Variants in TLN2 observed in about 807,000 individuals in gnomAD.
TLN2 encodes the protein talin 2, also known as talin-2.
In TLN2, 118 loss-of-function variants were observed where a neutral mutation model predicts 294.7. The observed-to-expected ratio is 0.40, with a 90% CI of 0.34 to 0.47. The LOEUF (loss-of-function observed/expected upper bound fraction) is 0.47, where lower values mean the gene tolerates loss of function less well. Among genes scored for constraint, TLN2 ranks in the 20% least tolerant of loss-of-function variants. The pLI, the probability that TLN2 is intolerant of heterozygous loss-of-function variation, is 0.84. For synonymous variants in TLN2, 1,431 were observed against 1,304.5 expected, an observed-to-expected ratio of 1.10 and a Z score of -2.09; for missense variants, 3,083 against 3,282.2, an observed-to-expected ratio of 0.94 and a Z score of 1.48.
chr15:62,544,009 T>C (rs1413397394), intron 1 of TLN2, among the ~76,000 whole-genome samples: 1 of 152,092 alleles, frequency 6.6e-6, no homozygotes, highest in Non-Finnish European at 1.5e-5. Context: ...CTTTCTGGCC[T>C]TGACAGACTC....
chr15:62,436,709 C>G (rs2035302388), intron 1 of TLN2, among the ~76,000 whole-genome samples: 1 of 152,080 alleles, frequency 6.6e-6, no homozygotes, highest in Admixed American at 6.6e-5. Context: ...CTCCATGATT[C>G]TTTGATTTCT....
intron 1 of TLN2, among the ~76,000 whole-genome samples, chr15:62,468,941 A>G (rs2140357589): frequency 6.6e-6 from 1 of 152,314 alleles, no homozygotes; most frequent in African/African-American, 2.4e-5. Flanking sequence ...ACCTACGAAT[A>G]CAGCAATTGC....
chr15:62,440,587 G>A (rs572891605), intron 1 of TLN2, among the ~76,000 whole-genome samples: 37 of 152,300 alleles, frequency 2.4e-4, no homozygotes, highest in Middle Eastern at 3.4e-3. Flanking sequence ...GTCCTCCTCT[G>A]CTTTGGTGAA....
At chr15:62,399,652 T>C (rs528989570) in intron 1 of TLN2, among the ~76,000 whole-genome samples, 1 of 152,340 alleles carries the variant, frequency 6.6e-6, no homozygotes, top group East Asian at 1.9e-4. Context: ...AAGGAGAGCA[T>C]TTTGGAACTT....
chr15:62,686,481 A>G (rs867898014), intron 11 of TLN2, among the ~76,000 whole-genome samples, 160 bp from the exon 12 acceptor site: 11 of 152,308 alleles, frequency 7.2e-5, no homozygotes, highest in Middle Eastern at 3.4e-3. Context: ...CCTTTAGTTT[A>G]ATGAGTTATT....
intron 1 of TLN2, among the ~76,000 whole-genome samples, chr15:62,509,783 G>C (rs910509810): frequency 6.6e-6 from 1 of 152,118 alleles, no homozygotes; most frequent in Non-Finnish European, 1.5e-5. Context: ...GGGCTTGCCT[G>C]AGCCACCTCC....
intron 2 of TLN2, among the ~76,000 whole-genome samples, chr15:62,594,479 AT>A (rs1460349608): frequency 6.6e-6 from 1 of 152,188 alleles, no homozygotes; most frequent in Non-Finnish European, 1.5e-5. Context: ...AAGTGCTGGG[AT>A]TACAGACGTA....
rs1160101252 is a variant in TLN2, at chr15:62,761,692, G to A, written c.4650G>A (p.Gly1550=). ...NLVKTIKALD[G]DFSEDNRNKC... ...TTTTCTCCCATCAGGCCCTGGATGG[G>A]GATTTCTCTGAAGACAACCGCAATA... The change falls in exon 38 of 59, where the codon GGG becomes GGA. Residue 1550 remains glycine (G), a synonymous_variant. Transcript: ENST00000636159. The A allele has an allele frequency of 6.2e-7, 1 of 1,613,978 alleles. No homozygotes were observed. Among genetic ancestry groups the A allele is most frequent in the Non-Finnish European group, 8.5e-7 (1 of 1,180,004 alleles).
chr15:62,625,510 T>C (rs1250317692), intron 3 of TLN2, among the ~76,000 whole-genome samples: 2 of 151,176 alleles, frequency 1.3e-5, no homozygotes, highest in East Asian at 1.9e-4. Flanking sequence ...TGCTACGAGA[T>C]GGTCTTGGAG....
At chr15:62,605,832 G>A (rs368748102) in intron 2 of TLN2, among the ~76,000 whole-genome samples, 6 of 152,302 alleles carry the variant, frequency 3.9e-5, no homozygotes, top group African/African-American at 1.4e-4. Flanking sequence ...GCCTCCCCAA[G>A]CTGCAAGCGA....
At chr15:62,839,122 G>C (rs1428482246) in intron 58 of TLN2, 141 bp downstream of exon 58, 1 of 1,234,886 alleles carries the variant, frequency 8.1e-7, no homozygotes, top group Non-Finnish European at 1.1e-6. Context: ...CTTCATGTCT[G>C]AGAGCCAGAT....
intron 1 of TLN2, among the ~76,000 whole-genome samples, chr15:62,486,934 A>G (rs1039093566): frequency 1.3e-5 from 2 of 152,092 alleles, no homozygotes; most frequent in African/African-American, 4.8e-5. Flanking sequence ...TGAGGAATAA[A>G]TTGCCTGAGA....
intron 54 of TLN2, among the ~76,000 whole-genome samples, chr15:62,825,715 TAA>T (rs2067992907): frequency 8.2e-6 from 1 of 122,126 alleles, no homozygotes; most frequent in Non-Finnish European, 1.6e-5. Flanking sequence ...TATATAAATA[TAA>T]ATATATATAA....
At position 62,844,128 on chromosome 15, in the gene TLN2, A is replaced by G. The variant is rs1003423701; in HGVS notation, c.*3518A>G. ...GTTCAGAAAGCAAAAGATCTTGACA[A>G]CTGTGCCAGTAGTGGCTCTGGTCCT... is the stretch of plus-strand genomic sequence containing the variant. On this transcript the variant is annotated 3_prime_UTR_variant, in exon 59 of 59. Transcript: ENST00000636159. The G allele has an allele frequency of 6.6e-6, 1 of 152,040 alleles. No homozygotes were observed. The highest frequency in any genetic ancestry group is 1.5e-5 in the Non-Finnish European group (1 of 68,084). The allele number at this position is 152,040 out of a possible 1,614,324, so 9.4% of individuals were successfully genotyped here. A position where few individuals can be genotyped will look rare whatever the true frequency, so the allele number is the denominator to read the frequency against.
In TLN2 at chr15:62,635,296, CA is replaced by C. The variant is rs994994640; in HGVS notation, c.-36-11970del. Among the ~76,000 whole-genome samples the C allele has an allele frequency of 1.5e-4, 23 of 150,226 alleles. No homozygotes were observed. In the East Asian group the frequency reaches 3.1e-3, roughly 20 times the overall value. On this transcript the variant is annotated intron_variant, in intron 3 of 58. Transcript: ENST00000636159. ...CTGAAATAAAAAACAGAAGAGGTTTCAAAAAAAAATCCTTATTGCATCCTTA... is the reference window on the plus strand; with the variant it reads ...CTGAAATAAAAAACAGAAGAGGTTTCAAAAAAAATCCTTATTGCATCCTTA...
intron 3 of TLN2, among the ~76,000 whole-genome samples, chr15:62,635,208 G>A (rs1222431966): frequency 2.6e-5 from 4 of 151,986 alleles, no homozygotes; most frequent in Admixed American, 1.3e-4. Context: ...CTTCTGGGTT[G>A]TTTTGTAAAA....
chr15:62,769,087 T>A (rs1215547818), intron 41 of TLN2, among the ~76,000 whole-genome samples: 1 of 152,246 alleles, frequency 6.6e-6, no homozygotes, highest in East Asian at 1.9e-4. Flanking sequence ...TGCATTTAAT[T>A]ATTCTCAGCA....
intron 1 of TLN2, among the ~76,000 whole-genome samples, chr15:62,478,494 G>A (rs931136609): frequency 6.6e-6 from 1 of 152,134 alleles, no homozygotes; most frequent in Non-Finnish European, 1.5e-5. Context: ...GTCGTGAACA[G>A]GGAAGAGAGA....
chr15:62,816,559 C>T (rs767846875), intron 52 of TLN2, among the ~76,000 whole-genome samples: 2 of 152,200 alleles, frequency 1.3e-5, no homozygotes, highest in Non-Finnish European at 2.9e-5. Flanking sequence ...TCATGTTGTA[C>T]ACTTCTCACT....
Sources: gnomAD v4.1 joint callset for allele counts (sites outside exome capture counted in the v4.1 genomes callset) on GRCh38, gnomAD v4.1.1 for gene constraint, MANE v1.5 for transcripts, NCBI Gene and HGNC (gene_info 2026-07-23, HGNC 2026-07-21) for gene names.